Variants in HOXC5 observed in about 807,000 individuals in gnomAD.
The protein encoded by HOXC5 is homeobox protein Hox-C5.
In HOXC5, 19 loss-of-function variants were observed where a neutral mutation model predicts 20.1. That is an observed-to-expected ratio of 0.94 (90% CI 0.66 to 1.38). HOXC5 has a LOEUF of 1.38. Ranked by LOEUF, HOXC5 falls within the 40% of genes most tolerant of loss-of-function variation. The pLI, the probability that HOXC5 is intolerant of heterozygous loss-of-function variation, is 0.00. For synonymous variants in HOXC5, 124 were observed against 117.0 expected, an observed-to-expected ratio of 1.06 and a Z score of -0.39; for missense variants, 330 against 300.1, an observed-to-expected ratio of 1.10 and a Z score of -0.74.
At position 54,034,804 on chromosome 12, in the gene HOXC5, G is replaced by C; in HGVS notation, c.*312G>C. 1 of 359,156 alleles carries C rather than the reference G, an allele frequency of 2.8e-6. No individual in the cohort carries two copies. The highest frequency in any genetic ancestry group is 5.3e-6 in the Non-Finnish European group (1 of 190,030). The allele number at this position is 359,156 out of a possible 1,614,324, so 22.2% of individuals were successfully genotyped here. A position where few individuals can be genotyped will look rare whatever the true frequency, so the allele number is the denominator to read the frequency against. Reference sequence around the variant, plus strand: ...GCTGGCGCAGAACGAACCTTGGCCTGGGCCGTATCTCCGGCTCCCAGCCTC... The same window carrying C: ...GCTGGCGCAGAACGAACCTTGGCCTCGGCCGTATCTCCGGCTCCCAGCCTC... On this transcript the variant is annotated 3_prime_UTR_variant, in exon 2 of 2. Coordinates refer to ENST00000312492, the MANE Select transcript of HOXC5 (RefSeq NM_018953.4).
chr12:54,033,013 T>A, upstream of HOXC5: 1 of 803,880 alleles, frequency 1.2e-6, no homozygotes, highest in East Asian at 2.6e-5. Flanking sequence ...AAGAGATATC[T>A]CCACCTATAA....
intron 1 of HOXC5, 68 bp from the exon 2 acceptor site, chr12:54,034,208 TGG>T: frequency 7.2e-7 from 1 of 1,384,220 alleles, no homozygotes; most frequent in Non-Finnish European, 1.0e-6. Flanking sequence ...GGGCCTGGGC[TGG>T]GGTGGGGACG....
upstream of HOXC5, chr12:54,028,489 G>A: frequency 6.3e-7 from 1 of 1,592,372 alleles, no homozygotes; most frequent in East Asian, 2.2e-5. Context: ...AAATATTAAA[G>A]AAATCATAGA....
rs766775163 is a variant in HOXC5, at chr12:54,034,329, A to T, written c.506A>T (p.Glu169Val). ...RTSYTRYQTL[E>V]LEKEFHFNRY... is the part of the protein sequence containing the mutation. ...AGTTACACGCGCTACCAGACTCTGGAACTCGAGAAAGAATTCCACTTTAAC... is the reference window on the plus strand; with the variant it reads ...AGTTACACGCGCTACCAGACTCTGGTACTCGAGAAAGAATTCCACTTTAAC... The change falls in exon 2 of 2, where the codon GAA becomes GTA. Residue 169 changes from glutamate to valine, a missense_variant. Physicochemically the swap from Glu to Val is moderately radical, Grantham distance 121 (BLOSUM62 -2). Transcript: ENST00000312492. The T allele has an allele frequency of 1.2e-6, 2 of 1,614,152 alleles. No individual in the cohort carries two copies. The highest frequency in any genetic ancestry group is 1.1e-5 in the South Asian group (1 of 91,088).
chr12:54,026,450 TAACTC>T, the HOXC5 span, among the ~76,000 whole-genome samples: 4 of 152,248 alleles, frequency 2.6e-5, no homozygotes, highest in Admixed American at 6.5e-5. Flanking sequence ...AAAAATGAGA[TAACTC>T]ATCTAAAATT....
the HOXC5 span, among the ~76,000 whole-genome samples, chr12:54,027,974 G>C: frequency 6.6e-6 from 1 of 152,148 alleles, no homozygotes; most frequent in Non-Finnish European, 1.5e-5. Context: ...TGTCAAAACA[G>C]GATTTCCTGC....
chr12:54,028,258 TATATATA>T (rs971769230), upstream of HOXC5: 39 of 167,012 alleles, frequency 2.3e-4, 1 homozygote, highest in African/African-American at 9.1e-4. Flanking sequence ...TATATATATA[TATATATA>T]TATTTTTTAA....
rs1347760447 is a variant in HOXC5 at position 54,034,376 on chromosome 12, C to T, written c.553C>T (p.Arg185Cys). ...HFNRYLTRRR[R>C]IEIANNLCLN... The stretch of plus-strand genomic sequence containing the variant: ...TAACCGCTACCTCACTCGCCGCAGG[C>T]GCATAGAGATCGCCAACAACTTGTG... The change falls in exon 2 of 2, where the codon CGC (arginine) becomes TGC (cysteine). Residue 185 changes from arginine (R) to cysteine (C), a missense_variant. Coordinates refer to ENST00000312492, the MANE Select transcript of HOXC5 (RefSeq NM_018953.4). 1.2e-6 allele frequency: 2 copies of T among 1,614,044 alleles called. No individual in the cohort carries two copies. The highest frequency in any genetic ancestry group is 1.7e-6 in the Non-Finnish European group (2 of 1,180,000).
upstream of HOXC5, among the ~76,000 whole-genome samples, chr12:54,032,120 G>A (rs1044540967): frequency 9.2e-5 from 14 of 152,320 alleles, no homozygotes; most frequent in African/African-American, 2.9e-4. Flanking sequence ...GGGAAACAGA[G>A]CAGTCCTCTA....
Position 54,034,773 on chromosome 12 carries a change from G to A in HOXC5, c.*281G>A. On this transcript the variant is annotated 3_prime_UTR_variant, in exon 2 of 2. Coordinates refer to ENST00000312492, the MANE Select transcript of HOXC5 (RefSeq NM_018953.4). ...CAGGACTTCCCCGGAGGGCTGCGGC[G>A]TACAGGCTGGCGCAGAACGAACCTT... The A allele has an allele frequency of 4.5e-6, 2 of 440,344 alleles. No individual in the cohort carries two copies. The highest frequency in any genetic ancestry group is 4.2e-6 in the Non-Finnish European group (1 of 236,648). 27.3% of individuals were successfully genotyped at this position (440,344 alleles called of 1,614,324 possible).
In HOXC5 at chr12:54,034,726, C is replaced by T. The variant is rs1941136264; in HGVS notation, c.*234C>T. 2 of 528,770 alleles carry T rather than the reference C, an allele frequency of 3.8e-6. No homozygotes were observed. Among genetic ancestry groups the T allele is most frequent in the Admixed American group, 6.4e-5 (2 of 31,434 alleles). 32.8% of individuals were successfully genotyped at this position (528,770 alleles called of 1,614,324 possible). On this transcript the variant is annotated 3_prime_UTR_variant, in exon 2 of 2. Transcript: ENST00000312492. ...CCCTCAGCTCGGCTCAGCTCGGTAC[C>T]CGGGGCCCAGGGCAAGCTCCGCAGG...
rs1941138805 is a variant in HOXC5 at position 54,034,797 on chromosome 12, T to C, written c.*305T>C. The C allele has an allele frequency of 2.6e-6, 1 of 382,646 alleles. No homozygotes were observed. The highest frequency in any genetic ancestry group is 2.6e-5 in the South Asian group (1 of 38,476). The allele number at this position is 382,646 out of a possible 1,614,324, so 23.7% of individuals were successfully genotyped here. ...CGTACAGGCTGGCGCAGAACGAACC[T>C]TGGCCTGGGCCGTATCTCCGGCTCC... On this transcript the variant is annotated 3_prime_UTR_variant, in exon 2 of 2. Transcript: ENST00000312492.
upstream of HOXC5, chr12:54,028,637 C>T (rs752965962): frequency 4.3e-6 from 7 of 1,614,168 alleles, no homozygotes; most frequent in Non-Finnish European, 5.9e-6. Flanking sequence ...CATTTCTCGA[C>T]CTATGGAGCG....
the HOXC5 span, among the ~76,000 whole-genome samples, chr12:54,018,293 C>A: frequency 9.2e-5 from 14 of 152,336 alleles, no homozygotes; most frequent in East Asian, 2.7e-3. Context: ...CCCACTGGAC[C>A]GGGATGCCCG....
At chr12:54,033,611 C>CTTATA (rs1941079212) in intron 1 of HOXC5, 35 bp downstream of exon 1, 4 of 1,488,696 alleles carry the variant, frequency 2.7e-6, no homozygotes, top group Admixed American at 4.3e-5. Flanking sequence ...GCTCTCGGGT[C>CTTATA]CGCCTGGGTT....
chr12:54,027,011 C>T, the HOXC5 span, among the ~76,000 whole-genome samples: 1 of 151,808 alleles, frequency 6.6e-6, no homozygotes, highest in Non-Finnish European at 1.5e-5. Context: ...ACACTCCCCA[C>T]CACCCTTCTT....
At chr12:54,026,591 G>C in the HOXC5 span, among the ~76,000 whole-genome samples, 9 of 151,928 alleles carry the variant, frequency 5.9e-5, no homozygotes, top group African/African-American at 2.2e-4. Flanking sequence ...TCCAAATACC[G>C]ACAAATTTCT....
At chr12:54,032,734 C>G (rs988607087), upstream of HOXC5, 2 of 162,778 alleles carry the variant, frequency 1.2e-5, no homozygotes, top group Admixed American at 1.2e-4. Flanking sequence ...TGCAATTCCC[C>G]CACATAGGCA....
the HOXC5 span, among the ~76,000 whole-genome samples, chr12:54,025,649 A>C: frequency 6.6e-6 from 1 of 151,822 alleles, no homozygotes; most frequent in Non-Finnish European, 1.5e-5. Flanking sequence ...TTCACCCAGC[A>C]GCTGGTTTCT....
Sources: allele counts gnomAD v4.1 joint callset (sites outside exome capture counted in the v4.1 genomes callset), GRCh38; gene constraint gnomAD v4.1.1; transcripts MANE v1.5; gene names NCBI Gene and HGNC (gene_info 2026-07-23, HGNC 2026-07-21).